CSMD1: variants seen among roughly 807,000 people sequenced by gnomAD.
CSMD1 encodes the protein CUB and Sushi multiple domains 1.
In CSMD1, 213 loss-of-function variants were observed where a neutral mutation model predicts 417.5. The ratio of observed to expected loss-of-function variants is 0.51; its 90% CI spans 0.46 to 0.57. CSMD1 has a LOEUF of 0.57. CSMD1 is among the 20% of genes least tolerant of loss of function. The pLI is 0.00. For synonymous variants in CSMD1, 2,862 were observed against 1,736.8 expected (o/e 1.65, Z -16.11); for missense variants, 6,923 against 4,529.7 (o/e 1.53, Z -15.17).
intron 3 of CSMD1, among the ~76,000 whole-genome samples, chr8:4,246,651 C>T (rs1008607555): frequency 7.9e-5 from 12 of 152,128 alleles, no homozygotes; most frequent in African/African-American, 2.6e-4. Context: ...AATGCTGAGG[C>T]AAGCAAAAGA....
At chr8:4,579,331 T>G (rs1328215282) in intron 2 of CSMD1, among the ~76,000 whole-genome samples, 1 of 151,318 alleles carries the variant, frequency 6.6e-6, no homozygotes, top group Non-Finnish European at 1.5e-5. Context: ...CATACATACA[T>G]ACATATATAT....
intron 54 of CSMD1, among the ~76,000 whole-genome samples, chr8:2,986,706 C>T (rs1805942225): frequency 6.6e-6 from 1 of 151,990 alleles, no homozygotes. Context: ...GGTTTTCACT[C>T]TGTTAGCCAG....
At position 3,406,124 on chromosome 8, in the gene CSMD1, A is replaced by C; in HGVS notation, c.2169T>G (p.Cys723Trp). 6.2e-7 allele frequency: 1 copy of C among 1,613,940 alleles called. No individual in the cohort carries two copies. The highest frequency in any genetic ancestry group is 8.5e-7 in the Non-Finnish European group (1 of 1,179,878). Reference sequence around the variant, plus strand: ...CCTGGGTCTTGACAAAGCCATCATCACAGTGGAAAGAAACCGAGCTCCCGA... The same window carrying C: ...CCTGGGTCTTGACAAAGCCATCATCCCAGTGGAAAGAAACCGAGCTCCCGA... The part of the protein sequence containing the change: ...FLLGSSVSFH[C>W]DDGFVKTQGS... The change falls in exon 15 of 70, where the codon TGT becomes TGG. Residue 723 changes from cysteine to tryptophan, a missense_variant. By Grantham distance (215) the Cys-to-Trp change is radical. Transcript: ENST00000635120.
intron 1 of CSMD1, among the ~76,000 whole-genome samples, chr8:4,720,743 T>C (rs554067678): frequency 6.6e-6 from 1 of 152,204 alleles, no homozygotes; most frequent in Non-Finnish European, 1.5e-5. Context: ...TTATTTGGAA[T>C]ATTTATAAAG....
chr8:4,777,949 G>C (rs1184599669), intron 1 of CSMD1, among the ~76,000 whole-genome samples: 1 of 152,218 alleles, frequency 6.6e-6, no homozygotes, highest in African/African-American at 2.4e-5. Flanking sequence ...TAGTAGGGAT[G>C]TGTGACAAAT....
intron 46 of CSMD1, 132 bp from the exon 47 acceptor site, chr8:3,097,169 T>A: frequency 1.6e-6 from 1 of 623,198 alleles, no homozygotes; most frequent in Non-Finnish European, 2.7e-6. Flanking sequence ...CCAAATTTAA[T>A]ACCGAATGCA....
intron 7 of CSMD1, among the ~76,000 whole-genome samples, chr8:3,701,735 A>C (rs1800883145): frequency 6.6e-6 from 1 of 152,202 alleles, no homozygotes; most frequent in South Asian, 2.1e-4. Flanking sequence ...CTCTACAGTT[A>C]TAATTACATC....
chr8:4,584,885 C>G (rs75715016), intron 2 of CSMD1, among the ~76,000 whole-genome samples: 11 of 152,012 alleles, frequency 7.2e-5, no homozygotes, highest in Admixed American at 5.9e-4. Flanking sequence ...CTGTGGATTG[C>G]ATTGGATTGG....
intron 37 of CSMD1, among the ~76,000 whole-genome samples, chr8:3,178,500 A>G (rs1230715459): frequency 1.3e-5 from 2 of 152,106 alleles, no homozygotes; most frequent in Non-Finnish European, 2.9e-5. Flanking sequence ...GATACCTCGC[A>G]AGGTGCTCAG....
intron 1 of CSMD1, among the ~76,000 whole-genome samples, chr8:4,925,659 G>C (rs1024584483): frequency 6.6e-6 from 1 of 151,518 alleles, no homozygotes; most frequent in African/African-American, 2.4e-5. Context: ...CCATTCTCCT[G>C]CCTCAGCCTC....
At chr8:4,158,899 G>C (rs527492283) in intron 3 of CSMD1, among the ~76,000 whole-genome samples, 3 of 152,226 alleles carry the variant, frequency 2.0e-5, no homozygotes, top group East Asian at 1.9e-4. Context: ...CAGCTGAAAA[G>C]AAAGATTATC....
At chr8:4,092,706 T>C (rs1800784347) in intron 3 of CSMD1, among the ~76,000 whole-genome samples, 1 of 152,216 alleles carries the variant, frequency 6.6e-6, no homozygotes, top group Admixed American at 6.5e-5. Flanking sequence ...TAATGTGATT[T>C]TTGAAATAAT....
intron 12 of CSMD1, among the ~76,000 whole-genome samples, chr8:3,457,866 C>A (rs1816257184): frequency 6.6e-6 from 1 of 152,134 alleles, no homozygotes; most frequent in Non-Finnish European, 1.5e-5. Flanking sequence ...AGAATGTTAT[C>A]ACATTCACAC....
intron 1 of CSMD1, among the ~76,000 whole-genome samples, chr8:4,825,936 GCTATCA>G (rs1799801805): frequency 6.6e-6 from 1 of 151,928 alleles, no homozygotes; most frequent in Non-Finnish European, 1.5e-5. Flanking sequence ...AAAACAGGCA[GCTATCA>G]CCTTACATCT....
chr8:3,500,214 C>T (rs10107506), intron 10 of CSMD1, among the ~76,000 whole-genome samples: 1 of 152,078 alleles, frequency 6.6e-6, no homozygotes, highest in Non-Finnish European at 1.5e-5. Flanking sequence ...AGTGTTCTCC[C>T]CTAGACACTG....
At chr8:4,236,667 C>G (rs534512329) in intron 3 of CSMD1, among the ~76,000 whole-genome samples, 2 of 152,228 alleles carry the variant, frequency 1.3e-5, no homozygotes, top group Non-Finnish European at 2.9e-5. Context: ...GAATTGCATG[C>G]TTATTTAAAC....
chr8:4,633,052 A>G (rs1220577355), intron 2 of CSMD1, among the ~76,000 whole-genome samples: 1 of 152,176 alleles, frequency 6.6e-6, no homozygotes, highest in Non-Finnish European at 1.5e-5. Flanking sequence ...TGCCGGAGAT[A>G]GAAGCCAGGG....
chr8:3,157,428 G>A (rs776026514), intron 39 of CSMD1, among the ~76,000 whole-genome samples: 12 of 152,132 alleles, frequency 7.9e-5, no homozygotes, highest in South Asian at 6.2e-4. Context: ...CCCCAGGAGC[G>A]CATCCACAAG....
chr8:4,447,344 T>A (rs189559018), intron 2 of CSMD1, among the ~76,000 whole-genome samples: 75 of 152,292 alleles, frequency 4.9e-4, no homozygotes, highest in African/African-American at 1.6e-3. Flanking sequence ...TCATTCAAAA[T>A]GCTATACAAG....
Sources: allele counts gnomAD v4.1 joint callset (sites outside exome capture counted in the v4.1 genomes callset), GRCh38; gene constraint gnomAD v4.1.1; transcripts MANE v1.5; gene names NCBI Gene and HGNC (gene_info 2026-07-23, HGNC 2026-07-21).